Variants in NRXN1 observed in about 807,000 individuals in gnomAD.
NRXN1 encodes neurexin-1.
A neutral mutation model predicts 150.9 loss-of-function variants in NRXN1; 39 were observed. The ratio of observed to expected loss-of-function variants is 0.26; its 90% CI spans 0.20 to 0.34. The LOEUF is 0.34. NRXN1 is among the 10% of genes least tolerant of loss of function. The pLI is 1.00. For synonymous variants in NRXN1, 924 were observed against 757.0 expected, an observed-to-expected ratio of 1.22 and a Z score of -3.62; for missense variants, 1,815 against 1,949.9, an observed-to-expected ratio of 0.93 and a Z score of 1.30.
chr2:50,084,531 A>C (rs35345915), intron 19 of NRXN1, among the ~76,000 whole-genome samples: 47,618 of 152,090 alleles, frequency 0.31, 8,358 homozygotes, highest in African/African-American at 0.44. Context: ...CACGCTCACC[A>C]GGAACTCTAG....
chr2:50,352,985 T>C (rs1394213424), intron 17 of NRXN1, among the ~76,000 whole-genome samples: 3 of 152,006 alleles, frequency 2.0e-5, no homozygotes, highest in Non-Finnish European at 2.9e-5. Flanking sequence ...TCAGTCAACT[T>C]AGCTATTACC....
intron 5 of NRXN1, among the ~76,000 whole-genome samples, chr2:50,897,444 T>C (rs761626190): frequency 1.3e-5 from 2 of 152,176 alleles, no homozygotes; most frequent in Non-Finnish European, 2.9e-5. Context: ...AAACCTCTAC[T>C]ATGTGCAAGG....
chr2:50,745,300 C>G lies in NRXN1; in HGVS notation c.833-121685G>C, dbSNP rs1024068748. Among the ~76,000 whole-genome samples the G allele has an allele frequency of 5.7e-4, 18 of 31,770 alleles. 1 individual carries two copies. The highest frequency in any genetic ancestry group is 1.1e-3 in the Non-Finnish European group (17 of 15,128). The allele number at this position is 31,770 out of a possible 152,430, so 20.8% of individuals were successfully genotyped here. On this transcript the variant is annotated intron_variant, in intron 5 of 22. Transcript: ENST00000401669. ...ATGCTTATTTTTATATTTATATCTG[C>G]CCCCCCCCAGGACTGAAAAAAAACC...
At chr2:50,789,519 T>A (rs1289852145) in intron 5 of NRXN1, among the ~76,000 whole-genome samples, 1 of 152,138 alleles carries the variant, frequency 6.6e-6, no homozygotes, top group Admixed American at 6.5e-5. Flanking sequence ...ATCCCAAAGT[T>A]GAAATAAAAC....
intron 17 of NRXN1, among the ~76,000 whole-genome samples, chr2:50,326,524 T>C (rs2076394487): frequency 1.3e-5 from 2 of 152,116 alleles, no homozygotes; most frequent in East Asian, 1.9e-4. Context: ...AAGAGAAAGA[T>C]GGAAATACCA....
At position 50,829,999 on chromosome 2, in the gene NRXN1, G is replaced by GGAAA. The variant is rs1425873902; in HGVS notation, c.832+91869_832+91870insTTTC. Among the ~76,000 whole-genome samples, 24 of 58,182 alleles carry GGAAA rather than the reference G, an allele frequency of 4.1e-4. 1 individual carries two copies. The highest frequency in any genetic ancestry group is 3.8e-3 in the East Asian group (5 of 1,308). The allele number at this position is 58,182 out of a possible 152,430, so 38.2% of individuals were successfully genotyped here. A position where few individuals can be genotyped will look rare whatever the true frequency, so the allele number is the denominator to read the frequency against. On this transcript the variant is annotated intron_variant, in intron 5 of 22. Transcript: ENST00000401669. ...GGAACCCAAAGAATACTGCCTGCTGGAAAAAAAAAAAAAAAAAAAAAAAAA... is the reference window on the plus strand; with the variant it reads ...GGAACCCAAAGAATACTGCCTGCTGGGAAAAAAAAAAAAAAAAAAAAAAAAAAAA...
At chr2:50,422,701 T>A (rs867187885) in intron 17 of NRXN1, among the ~76,000 whole-genome samples, 1 of 152,212 alleles carries the variant, frequency 6.6e-6, no homozygotes, top group African/African-American at 2.4e-5. Flanking sequence ...AAGATTTGAT[T>A]CGTGATGTGC....
At chr2:50,813,841 G>A (rs895349397) in intron 5 of NRXN1, among the ~76,000 whole-genome samples, 40 of 152,218 alleles carry the variant, frequency 2.6e-4, no homozygotes, top group African/African-American at 8.9e-4. Flanking sequence ...TTACTTCACT[G>A]AACTACTAAT....
rs1208594855 is a variant in NRXN1, at chr2:50,447,737, T to TTTTATATATATATATATATATATATA, written c.3364+17704_3364+17705insTATATATATATATATATATATATAAA. 2.4e-3 allele frequency among the ~76,000 whole-genome samples: 91 copies of TTTTATATATATATATATATATATATA among 37,908 alleles called. 21 individuals are homozygous for TTTTATATATATATATATATATATATA. The highest frequency in any genetic ancestry group is 8.2e-3 in the African/African-American group (50 of 6,092). The allele number at this position is 37,908 out of a possible 152,430, so 24.9% of individuals were successfully genotyped here. A position where few individuals can be genotyped will look rare whatever the true frequency, so the allele number is the denominator to read the frequency against. ...AAATCACATAGTAAGCAGGGGAACG[T>TTTTATATATATATATATATATATATA]TATATATATATATATATATATATAT... On this transcript the variant is annotated intron_variant, in intron 17 of 22. Transcript: ENST00000401669.
At chr2:50,965,970 C>T (rs1206007395) in intron 2 of NRXN1, among the ~76,000 whole-genome samples, 1 of 151,446 alleles carries the variant, frequency 6.6e-6, no homozygotes, top group African/African-American at 2.4e-5. Context: ...ATGTTGCCTT[C>T]TCTCACCATA....
chr2:51,001,918 G>T (rs925952716), intron 2 of NRXN1, among the ~76,000 whole-genome samples: 1 of 151,926 alleles, frequency 6.6e-6, no homozygotes, highest in Non-Finnish European at 1.5e-5. Context: ...TCAGGTGAAA[G>T]ATACCCTCCC....
At chr2:50,416,326 A>G (rs896390218) in intron 17 of NRXN1, among the ~76,000 whole-genome samples, 4 of 152,038 alleles carry the variant, frequency 2.6e-5, no homozygotes, top group African/African-American at 9.7e-5. Flanking sequence ...AAAGGTTGGG[A>G]GAACAAAATG....
chr2:50,736,619 G>T (rs1433097021), intron 5 of NRXN1, among the ~76,000 whole-genome samples: 1 of 152,092 alleles, frequency 6.6e-6, no homozygotes, highest in South Asian at 2.1e-4. Context: ...AGATCTGATG[G>T]TTTTATAAGG....
At chr2:49,947,514 C>CTTTTTTTTTTTTTT in intron 21 of NRXN1, among the ~76,000 whole-genome samples, 193 of 109,012 alleles carry the variant, frequency 1.8e-3, no homozygotes, top group East Asian at 2.3e-3. Flanking sequence ...TTTTTTTTTT[C>CTTTTTTTTTTTTTT]TTTTTTTTTT....
chr2:49,974,637 T>TA (rs562291048), intron 21 of NRXN1, among the ~76,000 whole-genome samples: 1 of 152,312 alleles, frequency 6.6e-6, no homozygotes, highest in South Asian at 2.1e-4. Flanking sequence ...TAATTGTAAT[T>TA]ACAATTTTAT....
At chr2:50,952,731 T>G (rs1309043418) in intron 2 of NRXN1, among the ~76,000 whole-genome samples, 2 of 152,212 alleles carry the variant, frequency 1.3e-5, no homozygotes, top group Non-Finnish European at 2.9e-5. Flanking sequence ...CCATGCAATT[T>G]GGCAGCAAAT....
At chr2:50,794,046 C>T (rs967834217) in intron 5 of NRXN1, among the ~76,000 whole-genome samples, 1 of 151,928 alleles carries the variant, frequency 6.6e-6, no homozygotes, top group Non-Finnish European at 1.5e-5. Flanking sequence ...CGTTAAACAC[C>T]CTAAAATTCA....
chr2:50,577,885 A>T (rs185264235), intron 8 of NRXN1, among the ~76,000 whole-genome samples: 1 of 152,308 alleles, frequency 6.6e-6, no homozygotes, highest in African/African-American at 2.4e-5. Context: ...TAGCTATAAT[A>T]TGCAATAATG....
chr2:50,977,555 A>G (rs1045866802), intron 2 of NRXN1, among the ~76,000 whole-genome samples: 2 of 151,966 alleles, frequency 1.3e-5, no homozygotes, highest in African/African-American at 4.8e-5. Context: ...ATGAAGTAAC[A>G]GAAAGTTACT....
Sources: gnomAD v4.1 joint callset for allele counts (sites outside exome capture counted in the v4.1 genomes callset) on GRCh38, gnomAD v4.1.1 for gene constraint, MANE v1.5 for transcripts, NCBI Gene and HGNC (gene_info 2026-07-23, HGNC 2026-07-21) for gene names.